Variants in PAPOLG observed in about 807,000 individuals in gnomAD.
The protein encoded by PAPOLG is poly(A) polymerase gamma, also known as PAP-gamma.
PAPOLG carries 40 observed loss-of-function variants against 99.0 expected under a neutral mutation model. That is an observed-to-expected ratio of 0.40 (90% CI 0.31 to 0.53). The LOEUF (loss-of-function observed/expected upper bound fraction) is 0.53. Among genes scored for constraint, PAPOLG ranks in the 20% least tolerant of loss-of-function variants. PAPOLG has a pLI of 0.41. For synonymous variants in PAPOLG, 310 were observed against 299.3 expected, an observed-to-expected ratio of 1.04 and a Z score of -0.37; for missense variants, 675 against 884.1, an observed-to-expected ratio of 0.76 and a Z score of 3.00.
intron 1 of PAPOLG, among the ~76,000 whole-genome samples, chr2:60,758,212 G>T (rs1219646275): frequency 1.3e-5 from 2 of 151,704 alleles, no homozygotes; most frequent in African/African-American, 4.8e-5. Flanking sequence ...TTTCTCAGAG[G>T]TAAAAAGCCA....
At chr2:60,766,165 C>G (rs192225450) in intron 3 of PAPOLG, among the ~76,000 whole-genome samples, 4 of 152,078 alleles carry the variant, frequency 2.6e-5, no homozygotes, top group Non-Finnish European at 5.9e-5. Flanking sequence ...GTTCTTAACT[C>G]TGAGAAATGT....
chr2:60,792,757 C>T (rs1573256918), intron 17 of PAPOLG, among the ~76,000 whole-genome samples: 1 of 152,058 alleles, frequency 6.6e-6, no homozygotes, highest in Non-Finnish European at 1.5e-5. Context: ...ATTAATTGGC[C>T]GGGCACAGTT....
intron 8 of PAPOLG, among the ~76,000 whole-genome samples, chr2:60,778,131 G>A (rs1444329871): frequency 1.3e-5 from 2 of 151,990 alleles, no homozygotes; most frequent in Admixed American, 1.3e-4. Flanking sequence ...ACAAAACGAG[G>A]TATGCCTTTA....
At chr2:60,771,973 T>C (rs1240166418) in intron 7 of PAPOLG, among the ~76,000 whole-genome samples, 2 of 152,066 alleles carry the variant, frequency 1.3e-5, no homozygotes, top group African/African-American at 2.4e-5. Context: ...AAAGTACTTA[T>C]TCATTTATAA....
At chr2:60,767,406 G>T (rs958603298) in intron 3 of PAPOLG, among the ~76,000 whole-genome samples, 1 of 150,528 alleles carries the variant, frequency 6.6e-6, no homozygotes. Flanking sequence ...CTGGGCTCAA[G>T]CAGTTGTCCC....
Position 60,792,161 on chromosome 2 carries a change from C to T in PAPOLG, c.1551C>T (p.Gly517=), listed in dbSNP as rs756058128. The change falls in exon 17 of 22, where the codon GGC becomes GGT. Residue 517 remains glycine (G), a synonymous_variant. Transcript: ENST00000238714. ...QSLSDVNRSS[G]GLQSKRLSLD... ...TCTCTGATGTCAATCGAAGCTCGGG[C>T]GGACTTCAATCCAAAAGATTGTCTC... 1.1e-5 allele frequency: 17 copies of T among 1,593,580 alleles called. No individual in the cohort carries two copies. The Admixed American group carries it at 1.1e-4, about 11-fold the overall frequency.
intron 15 of PAPOLG, 101 bp downstream of exon 15, chr2:60,787,721 T>C (rs1378992730): frequency 1.4e-6 from 2 of 1,434,216 alleles, no homozygotes; most frequent in Non-Finnish European, 1.9e-6. Context: ...AGTTCCACAA[T>C]TGGTTAAGTG....
At chr2:60,786,374 G>C (rs778181633) in intron 13 of PAPOLG, among the ~76,000 whole-genome samples, 14 of 151,626 alleles carry the variant, frequency 9.2e-5, no homozygotes, top group Non-Finnish European at 1.5e-4. Flanking sequence ...GGGAATATAG[G>C]TGTGCGCCAT....
At position 60,769,127 on chromosome 2, in the gene PAPOLG, C is replaced by A. The variant is rs146439431; in HGVS notation, c.438+237C>A. 3.1e-3 allele frequency among the ~76,000 whole-genome samples: 467 copies of A among 152,220 alleles called. 2 individuals carry two copies. The highest frequency in any genetic ancestry group is 0.011 in the African/African-American group (449 of 41,538). Reference sequence around the variant, plus strand: ...TAGCTCCTAGATCTTGGTCAAGTAACCTAATCCTCTGAGCCTGTTTCCTGA... The same window carrying A: ...TAGCTCCTAGATCTTGGTCAAGTAAACTAATCCTCTGAGCCTGTTTCCTGA... On this transcript the variant is annotated intron_variant, in intron 5 of 21. Transcript: ENST00000238714.
chr2:60,760,257 A>T lies in PAPOLG; in HGVS notation c.141A>T (p.Pro47=). 1 of 1,614,044 alleles carries T rather than the reference A, an allele frequency of 6.2e-7. No homozygotes were observed. Among genetic ancestry groups the T allele is most frequent in the Non-Finnish European group, 8.5e-7 (1 of 1,179,970 alleles). The change falls in exon 2 of 22, where the codon CCA becomes CCT. Residue 47 remains proline, a synonymous_variant. Transcript: ENST00000238714. ...AGAAATTAATTGACGCCATGAAACC[A>T]TTTGGAGTGTTTGAAGATGAGGAAG... ...YTQKLIDAMK[P]FGVFEDEEEL...
intron 7 of PAPOLG, among the ~76,000 whole-genome samples, chr2:60,772,335 TA>T (rs1670877496): frequency 6.6e-6 from 1 of 151,520 alleles, no homozygotes; most frequent in Admixed American, 6.6e-5. Flanking sequence ...TAGTTCCAGC[TA>T]CTCAGGAGGC....
intron 3 of PAPOLG, among the ~76,000 whole-genome samples, chr2:60,764,385 C>T (rs1434980380): frequency 6.6e-6 from 1 of 151,922 alleles, no homozygotes; most frequent in East Asian, 1.9e-4. Context: ...CCTTAATCTG[C>T]ATGGATTTAG....
intron 11 of PAPOLG, among the ~76,000 whole-genome samples, chr2:60,782,480 C>G (rs1671218945): frequency 6.6e-6 from 1 of 151,576 alleles, no homozygotes; most frequent in African/African-American, 2.4e-5. Flanking sequence ...TCGCTTGAAC[C>G]CAGGAGGTAG....
chr2:60,780,669 G>T, intron 9 of PAPOLG, 38 bp from the exon 10 acceptor site: 1 of 1,598,994 alleles, frequency 6.3e-7, no homozygotes, highest in South Asian at 1.1e-5. Flanking sequence ...TACCTGAAGT[G>T]AGATCATGTG....
At chr2:60,776,266 C>G (rs898169670) in intron 8 of PAPOLG, among the ~76,000 whole-genome samples, 1 of 151,850 alleles carries the variant, frequency 6.6e-6, no homozygotes, top group Non-Finnish European at 1.5e-5. Context: ...GTAGATCTCA[C>G]CAATGGGCTT....
Position 60,760,161 on chromosome 2 carries a change from A to T in PAPOLG, c.45A>T (p.Gln15His). 2 of 1,614,076 alleles carry T rather than the reference A, an allele frequency of 1.2e-6. No homozygotes were observed. Among genetic ancestry groups the T allele is most frequent in the Non-Finnish European group, 1.7e-6 (2 of 1,180,000 alleles). Reference protein sequence around the residue: ...SANTVLDSQRQQKHYGITSPI... With the variant: ...SANTVLDSQRHQKHYGITSPI... ...ACACCGTGCTGGACAGCCAGCGTCA[A>T]CAAAAGCATTATGGAATTACCTCCC... The change falls in exon 2 of 22, where the codon CAA becomes CAT. Residue 15 changes from glutamine to histidine, a missense_variant. Physicochemically the swap from Gln to His is conservative, Grantham distance 24. Around this residue, in one of 3 missense-constraint regions of PAPOLG, gnomAD observed 149 missense variants for 192.1 expected, o/e 0.78. Coordinates refer to ENST00000238714, the MANE Select transcript of PAPOLG (RefSeq NM_022894.4).
chr2:60,771,090 C>A (rs986807057), intron 6 of PAPOLG, among the ~76,000 whole-genome samples: 3 of 152,142 alleles, frequency 2.0e-5, no homozygotes, highest in African/African-American at 7.2e-5. Context: ...TTCCAGCTTT[C>A]ATAGCTTTTG....
chr2:60,780,266 T>C (rs1196949620), intron 9 of PAPOLG, among the ~76,000 whole-genome samples: 1 of 151,774 alleles, frequency 6.6e-6, no homozygotes, highest in Non-Finnish European at 1.5e-5. Flanking sequence ...TTGTATACTT[T>C]CTTACCTAGC....
At position 60,779,824 on chromosome 2, in the gene PAPOLG, C is replaced by T. The variant is rs777151517; in HGVS notation, c.833+49C>T. 7 of 1,480,102 alleles carry T rather than the reference C, an allele frequency of 4.7e-6. No individual in the cohort carries two copies. The East Asian group carries it at 9.2e-5, about 19-fold the overall frequency. The allele number at this position is 1,480,102 out of a possible 1,614,324, so 91.7% of individuals were successfully genotyped here. A position where few individuals can be genotyped will look rare whatever the true frequency, so the allele number is the denominator to read the frequency against. ...GACTGTTTACTAATCTCTACCTATG[C>T]GTAAGTTTGTTTGGAAATTTAAGAG... is the stretch of plus-strand genomic sequence containing the variant. On this transcript the variant is annotated intron_variant, in intron 9 of 21. Coordinates refer to ENST00000238714, the MANE Select transcript of PAPOLG (RefSeq NM_022894.4).
Sources: allele counts gnomAD v4.1 joint callset (sites outside exome capture counted in the v4.1 genomes callset), GRCh38; gene constraint gnomAD v4.1.1; regional missense constraint gnomAD v4.1.1; transcripts MANE v1.5; gene names NCBI Gene and HGNC (gene_info 2026-07-23, HGNC 2026-07-21).